The following ORC3 variants were observed in gnomAD, a reference collection of about 807,000 sequenced individuals.
ORC3 encodes the protein homolog of latheo, Drosophila.
Under a neutral mutation model 100.7 loss-of-function variants are expected in ORC3, and 78 were observed. That is an observed-to-expected ratio of 0.77 (90% CI 0.65 to 0.94). The LOEUF is 0.94. Ranked by LOEUF, ORC3 falls within the 40% of genes least tolerant of loss-of-function variation. ORC3 has a pLI of 0.00. For missense variants in ORC3, 789 were observed against 823.9 expected (o/e 0.96, Z 0.52); for synonymous variants, 295 against 289.3 (o/e 1.02, Z -0.20).
intron 2 of ORC3, among the ~76,000 whole-genome samples, chr6:87,596,445 G>GT (rs1215282173): frequency 2.6e-5 from 3 of 114,042 alleles, no homozygotes; most frequent in Non-Finnish European, 3.6e-5. Flanking sequence ...TTGTTTTTTT[G>GT]TTGTTTTTTT....
At chr6:87,671,287 G>A (rs1378438941), downstream of ORC3, among the ~76,000 whole-genome samples, 1 of 152,048 alleles carries the variant, frequency 6.6e-6, no homozygotes, top group Non-Finnish European at 1.5e-5. Context: ...CTTGGATTAG[G>A]GTAATAGCAG....
At chr6:87,670,455 C>T (rs554015083), downstream of ORC3, among the ~76,000 whole-genome samples, 18 of 152,060 alleles carry the variant, frequency 1.2e-4, no homozygotes, top group South Asian at 2.1e-4. Context: ...CATGAACCAC[C>T]GTGCCCAGTC....
intron 14 of ORC3, 26 bp downstream of exon 14, chr6:87,653,275 C>T (rs1657994160): frequency 1.2e-6 from 2 of 1,603,100 alleles, no homozygotes; most frequent in African/African-American, 2.7e-5. Context: ...CCTTCCAATT[C>T]TATTGGCCAT....
intron 11 of ORC3, among the ~76,000 whole-genome samples, chr6:87,624,466 A>T (rs1204420580): frequency 1.3e-5 from 2 of 152,088 alleles, no homozygotes; most frequent in Non-Finnish European, 2.9e-5. Context: ...ACAGAGCAAG[A>T]CTCTGTTTCA....
chr6:87,604,374 G>C lies in ORC3; in HGVS notation c.322+846G>C, dbSNP rs560342208. ...GGCCTGAAATTTTACATTTCTAACA[G>C]GGTACCAGCTGATGCCCATAGTCCC... On this transcript the variant is annotated intron_variant, in intron 4 of 19. Transcript: ENST00000392844. Among the ~76,000 whole-genome samples the C allele has an allele frequency of 6.5e-4, 99 of 152,258 alleles. 1 individual carries two copies. Among genetic ancestry groups the C allele is most frequent in the African/African-American group, 2.4e-3 (98 of 41,548 alleles).
chr6:87,655,353 AT>A (rs34459713), intron 14 of ORC3, among the ~76,000 whole-genome samples: 171 of 137,480 alleles, frequency 1.2e-3, no homozygotes, highest in Non-Finnish European at 1.3e-3. Context: ...ATCCAGCTGA[AT>A]TTTTTTTTTT....
intron 17 of ORC3, among the ~76,000 whole-genome samples, chr6:87,663,997 G>A (rs1770405754): frequency 6.6e-6 from 1 of 152,116 alleles, no homozygotes; most frequent in African/African-American, 2.4e-5. Flanking sequence ...ATGGTTTTCA[G>A]TGATGGTGAA....
chr6:87,671,362 T>C (rs1041795312), downstream of ORC3, among the ~76,000 whole-genome samples: 6 of 152,134 alleles, frequency 3.9e-5, no homozygotes, highest in African/African-American at 7.2e-5. Context: ...TGCAAGACCA[T>C]TTCTGCCTAG....
chr6:87,645,586 T>C (rs563377611), intron 13 of ORC3, among the ~76,000 whole-genome samples: 1 of 152,344 alleles, frequency 6.6e-6, no homozygotes, highest in East Asian at 1.9e-4. Flanking sequence ...GAGTTCTGAG[T>C]ATTTTTCAAA....
At chr6:87,605,846 G>A (rs1778294348) in intron 4 of ORC3, 71 bp from the exon 5 acceptor site, 1 of 835,266 alleles carries the variant, frequency 1.2e-6, no homozygotes, top group African/African-American at 1.7e-5. Flanking sequence ...TGCTTGATAT[G>A]TTAAATAGCT....
At chr6:87,600,110 A>G (rs766184846) in intron 2 of ORC3, among the ~76,000 whole-genome samples, 2 of 152,234 alleles carry the variant, frequency 1.3e-5, no homozygotes, top group South Asian at 4.1e-4. Flanking sequence ...AAAAATCAAT[A>G]GTTGCTAAAA....
At chr6:87,646,567 A>C (rs984500376) in intron 13 of ORC3, among the ~76,000 whole-genome samples, 2 of 152,212 alleles carry the variant, frequency 1.3e-5, no homozygotes, top group East Asian at 1.9e-4. Context: ...TCCAGATCAC[A>C]ACTAGTTTGA....
At chr6:87,653,377 C>A in intron 14 of ORC3, 128 bp downstream of exon 14, 2 of 741,756 alleles carry the variant, frequency 2.7e-6, no homozygotes, top group Non-Finnish European at 4.2e-6. Context: ...AGTCAGTATG[C>A]CAAGCCTCAT....
chr6:87,647,197 G>C (rs4587138), intron 13 of ORC3, among the ~76,000 whole-genome samples: 91,144 of 151,922 alleles, frequency 0.6, 27,950 homozygotes, highest in African/African-American at 0.72. Flanking sequence ...CGTTAACTCC[G>C]CATTTCACTC....
intron 2 of ORC3, among the ~76,000 whole-genome samples, chr6:87,596,686 C>T (rs1213353169): frequency 3.3e-5 from 5 of 152,102 alleles, no homozygotes; most frequent in Non-Finnish European, 7.3e-5. Context: ...AAAAAAGATA[C>T]TGTCTTCACT....
chr6:87,676,075 T>C, the ORC3 span: 2 of 642,002 alleles, frequency 3.1e-6, no homozygotes, highest in Non-Finnish European at 5.3e-6. Context: ...GTGTATCAAA[T>C]AAAAACAGCA....
intron 11 of ORC3, among the ~76,000 whole-genome samples, chr6:87,632,264 T>C (rs562910549): frequency 6.6e-6 from 1 of 152,378 alleles, no homozygotes; most frequent in South Asian, 2.1e-4. Context: ...GGACATGTTA[T>C]AAGAAAATGT....
At chr6:87,636,342 A>T (rs535949817) in intron 12 of ORC3, 65 bp from the exon 13 acceptor site, 734 of 907,476 alleles carry the variant, frequency 8.1e-4, no homozygotes, top group Non-Finnish European at 1.2e-3. Flanking sequence ...ACCAGAAATG[A>T]TTTTTGCCAA....
At chr6:87,609,075 C>T in intron 6 of ORC3, 21 bp from the exon 7 acceptor site, 1 of 1,578,042 alleles carries the variant, frequency 6.3e-7, no homozygotes, top group Non-Finnish European at 8.6e-7. Context: ...TTAACTCTTT[C>T]TTTCTGCAAT....
Sources: allele counts gnomAD v4.1 joint callset (sites outside exome capture counted in the v4.1 genomes callset), GRCh38; gene constraint gnomAD v4.1.1; transcripts MANE v1.5; gene names NCBI Gene and HGNC (gene_info 2026-07-23, HGNC 2026-07-21).